Variants in DSCAM observed in about 807,000 individuals in gnomAD.
DSCAM encodes cell adhesion molecule DSCAM.
Under a neutral mutation model 217.7 loss-of-function variants are expected in DSCAM, and 47 were observed. The observed-to-expected ratio is 0.22, with a 90% CI of 0.17 to 0.28. The LOEUF (loss-of-function observed/expected upper bound fraction) is 0.28, where lower values mean the gene tolerates loss of function less well. Ranked by LOEUF, DSCAM falls within the 10% of genes least tolerant of loss-of-function variation. The pLI is 1.00. For synonymous variants in DSCAM, 1,056 were observed against 1,015.3 expected (o/e 1.04, Z -0.76); for missense variants, 2,080 against 2,618.3 (o/e 0.79, Z 4.49).
chr21:40,790,180 C>CTTTTTTT (rs771986567), intron 1 of DSCAM, among the ~76,000 whole-genome samples: 2 of 125,398 alleles, frequency 1.6e-5, no homozygotes. Flanking sequence ...TTCTTTCTTT[C>CTTTTTTT]TTTTTTTTTT....
intron 32 of DSCAM, among the ~76,000 whole-genome samples, chr21:40,025,106 T>C (rs201544171): frequency 1.9e-3 from 242 of 128,558 alleles, no homozygotes; most frequent in East Asian, 7.3e-3. Flanking sequence ...GTCAAAGGCC[T>C]TTTCTGCATC....
intron 15 of DSCAM, among the ~76,000 whole-genome samples, chr21:40,170,626 C>A (rs953797026): frequency 6.6e-6 from 1 of 152,192 alleles, no homozygotes; most frequent in Non-Finnish European, 1.5e-5. Flanking sequence ...AGGCAGGAAA[C>A]TTTGGACCTC....
intron 1 of DSCAM, among the ~76,000 whole-genome samples, chr21:40,771,976 A>C (rs1278354956): frequency 6.6e-6 from 1 of 152,226 alleles, no homozygotes; most frequent in Non-Finnish European, 1.5e-5. Flanking sequence ...AAATGTGAAT[A>C]CGTTCATGGG....
At chr21:40,821,888 G>A (rs1006008727) in intron 1 of DSCAM, among the ~76,000 whole-genome samples, 2 of 151,960 alleles carry the variant, frequency 1.3e-5, no homozygotes, top group Non-Finnish European at 2.9e-5. Context: ...GGAGGGAGAG[G>A]ATCAGGAAAA....
intron 10 of DSCAM, among the ~76,000 whole-genome samples, chr21:40,280,720 A>G (rs2073749555): frequency 1.3e-5 from 2 of 152,320 alleles, no homozygotes; most frequent in South Asian, 4.1e-4. Flanking sequence ...CTTCGTTTTT[A>G]TGCAAATGGA....
intron 3 of DSCAM, among the ~76,000 whole-genome samples, chr21:40,376,531 A>C (rs180855387): frequency 0.046 from 3,302 of 71,684 alleles, 467 homozygotes; most frequent in African/African-American, 0.1. Flanking sequence ...TATCTTATAT[A>C]GATATCGATA....
chr21:40,033,145 G>A (rs1268582798), intron 32 of DSCAM, among the ~76,000 whole-genome samples: 1 of 152,166 alleles, frequency 6.6e-6, no homozygotes, highest in Non-Finnish European at 1.5e-5. Context: ...GGTGCCTTTA[G>A]AAAGTATTGT....
intron 3 of DSCAM, among the ~76,000 whole-genome samples, chr21:40,678,864 CT>C (rs1334357374): frequency 6.6e-6 from 1 of 152,216 alleles, no homozygotes; most frequent in Non-Finnish European, 1.5e-5. Flanking sequence ...TAACGCGCCT[CT>C]GAAGGTCTCG....
At chr21:40,270,288 T>A in intron 11 of DSCAM, among the ~76,000 whole-genome samples, 1 of 152,236 alleles carries the variant, frequency 6.6e-6, no homozygotes, top group East Asian at 1.9e-4. Context: ...ATCAAAGTGC[T>A]GGCACAGCTG....
chr21:40,511,318 A>G (rs2076255647), intron 3 of DSCAM, among the ~76,000 whole-genome samples: 1 of 152,190 alleles, frequency 6.6e-6, no homozygotes, highest in Non-Finnish European at 1.5e-5. Context: ...TTAAAAATAT[A>G]TTCACATATA....
intron 24 of DSCAM, among the ~76,000 whole-genome samples, 180 bp from the exon 25 acceptor site, chr21:40,080,520 T>G (rs1012157572): frequency 2.6e-5 from 4 of 152,174 alleles, no homozygotes; most frequent in African/African-American, 9.7e-5. Context: ...AGAAGCACCA[T>G]GATGTATTGA....
chr21:40,188,407 C>T (rs942933621), intron 12 of DSCAM, among the ~76,000 whole-genome samples: 22 of 152,274 alleles, frequency 1.4e-4, no homozygotes, highest in Middle Eastern at 3.4e-3. Context: ...GCTGGGGGCC[C>T]GCAAGACTCG....
At chr21:40,778,655 A>G (rs1016708021) in intron 1 of DSCAM, among the ~76,000 whole-genome samples, 10 of 152,326 alleles carry the variant, frequency 6.6e-5, no homozygotes, top group African/African-American at 2.2e-4. Context: ...AGAAAGAAGG[A>G]TGTATAAGGA....
intron 3 of DSCAM, among the ~76,000 whole-genome samples, chr21:40,432,660 T>C (rs903234644): frequency 6.6e-6 from 1 of 152,206 alleles, no homozygotes; most frequent in Admixed American, 6.5e-5. Context: ...CTAAAATAGA[T>C]GCCCCTTTTC....
At chr21:40,156,341 A>AGAGAGAGAGAGAGAGAGAGAGAGAG (rs2090479086) in intron 16 of DSCAM, among the ~76,000 whole-genome samples, 1 of 61,982 alleles carries the variant, frequency 1.6e-5, no homozygotes, top group South Asian at 6.3e-4. Flanking sequence ...GAGAGAGAGA[A>AGAGAGAGAGAGAGAGAGAGAGAGAG]AGGGGCTTGT....
chr21:40,641,320 A>G (rs1275364919), intron 3 of DSCAM, among the ~76,000 whole-genome samples: 1 of 152,116 alleles, frequency 6.6e-6, no homozygotes, highest in East Asian at 1.9e-4. Context: ...GTGTTATACA[A>G]GGAAACGGGG....
At chr21:40,543,791 G>A (rs1363891161) in intron 3 of DSCAM, among the ~76,000 whole-genome samples, 3 of 152,064 alleles carry the variant, frequency 2.0e-5, no homozygotes, top group African/African-American at 4.8e-5. Flanking sequence ...CCCAGGCAAC[G>A]AAAGTATTAA....
intron 21 of DSCAM, among the ~76,000 whole-genome samples, chr21:40,090,477 C>T (rs553009103): frequency 6.6e-6 from 1 of 152,278 alleles, no homozygotes; most frequent in East Asian, 1.9e-4. Flanking sequence ...AGGAAGGTCA[C>T]CACGATCTTC....
intron 1 of DSCAM, among the ~76,000 whole-genome samples, chr21:40,754,298 G>C (rs975269366): frequency 1.3e-5 from 2 of 152,092 alleles, no homozygotes; most frequent in African/African-American, 4.8e-5. Context: ...ACACACAACA[G>C]GTGCAATACT....
Sources: allele counts gnomAD v4.1 joint callset (sites outside exome capture counted in the v4.1 genomes callset), GRCh38; gene constraint gnomAD v4.1.1; transcripts MANE v1.5; gene names NCBI Gene and HGNC (gene_info 2026-07-23, HGNC 2026-07-21).